The following CELSR1 variants were observed in gnomAD, a reference collection of about 807,000 sequenced individuals.
CELSR1 encodes the protein adhesion G protein-coupled receptor C1.
Under a neutral mutation model 249.1 loss-of-function variants are expected in CELSR1, and 110 were observed. That is an observed-to-expected ratio of 0.44 (90% CI 0.38 to 0.52). The LOEUF (loss-of-function observed/expected upper bound fraction) is 0.52. Among genes scored for constraint, CELSR1 ranks in the 20% least tolerant of loss-of-function variants. The pLI is 0.00. For missense variants in CELSR1, 4,109 were observed against 4,296.4 expected, an observed-to-expected ratio of 0.96 and a Z score of 1.22; for synonymous variants, 2,113 against 1,900.0, an observed-to-expected ratio of 1.11 and a Z score of -2.92.
intron 4 of CELSR1, among the ~76,000 whole-genome samples, 185 bp downstream of exon 4, chr22:46,435,989 A>G (rs945458792): frequency 6.6e-6 from 1 of 152,096 alleles, no homozygotes; most frequent in African/African-American, 2.4e-5. Flanking sequence ...GTGAGCCACC[A>G]CGCCCGGCCT....
rs971818540 is a variant in CELSR1 at position 46,506,594 on chromosome 22, C to T, written c.3544+27033G>A. 6.6e-5 allele frequency among the ~76,000 whole-genome samples: 10 copies of T among 152,236 alleles called. No homozygotes were observed. The highest frequency in any genetic ancestry group is 2.4e-4 in the African/African-American group (10 of 41,456). The stretch of plus-strand genomic sequence containing the variant: ...ACCTCCTGGAATTCTCACCCATTTC[C>T]AAGACCACTTCCTTAGGGTGATGTT... On this transcript the variant is annotated intron_variant, in intron 1 of 34. Transcript: ENST00000674500. This position sits in a 1 kb window ranked among gnomAD's most constrained non-coding sequence, Gnocchi z 4.1.
chr22:46,437,336 TC>T lies in CELSR1; in HGVS notation c.4407-1048del, dbSNP rs1423944584. On this transcript the variant is annotated intron_variant, in intron 3 of 34. Coordinates refer to ENST00000674500, the MANE Select transcript of CELSR1 (RefSeq NM_001378328.1). This position sits in a 1 kb window ranked among gnomAD's most constrained non-coding sequence, Gnocchi z 4.9. ...GACTGGCTCCTGAGCTGGCTGGGTG[TC>T]TCCACCATCAGAGATACACGGCAGG... 6.6e-6 allele frequency among the ~76,000 whole-genome samples: 1 copy of T among 152,162 alleles called. No individual in the cohort carries two copies. Among genetic ancestry groups the T allele is most frequent in the Non-Finnish European group, 1.5e-5 (1 of 68,032 alleles).
At chr22:46,457,642 A>T (rs2079972115) in intron 2 of CELSR1, among the ~76,000 whole-genome samples, 1 of 152,246 alleles carries the variant, frequency 6.6e-6, no homozygotes, top group African/African-American at 2.4e-5. Context: ...CACAGCGCGG[A>T]CAGAGATGAG....
chr22:46,373,401 A>AC (rs1176557204), intron 24 of CELSR1, among the ~76,000 whole-genome samples: 1 of 132,696 alleles, frequency 7.5e-6, no homozygotes, highest in Non-Finnish European at 1.6e-5. Flanking sequence ...GCAGCTTCAC[A>AC]CCCAGTGCTC....
In CELSR1 at chr22:46,468,553, G is replaced by C. The variant is rs1286673129; in HGVS notation, c.3545-4208C>G. ...GCACTTACAGGAGGTCCCTAGAGGA[G>C]TTCGATTCATAGAGGCAGAAAGTAG... On this transcript the variant is annotated intron_variant, in intron 1 of 34. Coordinates refer to ENST00000674500, the MANE Select transcript of CELSR1 (RefSeq NM_001378328.1). This position sits in a 1 kb window ranked among gnomAD's most constrained non-coding sequence, Gnocchi z 4.5. Among the ~76,000 whole-genome samples the C allele has an allele frequency of 1.3e-5, 2 of 152,152 alleles. No individual in the cohort carries two copies. The highest frequency in any genetic ancestry group is 4.8e-5 in the African/African-American group (2 of 41,424).
rs1405397435 is a variant in CELSR1, at chr22:46,374,331, T to C, written c.7585-1274A>G. Among the ~76,000 whole-genome samples, 5 of 152,232 alleles carry C rather than the reference T, an allele frequency of 3.3e-5. No homozygotes were observed. The highest frequency in any genetic ancestry group is 7.3e-5 in the Non-Finnish European group (5 of 68,048). ...CCTTTTGAAAACAAAGTGCGAGGGC[T>C]GTGCCATCCTGGCTGCAGCAGGGTC... On this transcript the variant is annotated intron_variant, in intron 24 of 34. Coordinates refer to ENST00000674500, the MANE Select transcript of CELSR1 (RefSeq NM_001378328.1). This position sits in a 1 kb window ranked among gnomAD's most constrained non-coding sequence, Gnocchi z 4.3.
At position 46,361,203 on chromosome 22, in the gene CELSR1, G is replaced by C. The variant is rs1457801380; in HGVS notation, c.*2020C>G. 1 of 152,556 alleles carries C rather than the reference G, an allele frequency of 6.6e-6. No homozygotes were observed. The highest frequency in any genetic ancestry group is 2.4e-5 in the African/African-American group (1 of 41,444). The allele number at this position is 152,556 out of a possible 1,614,324, so 9.5% of individuals were successfully genotyped here. A position where few individuals can be genotyped will look rare whatever the true frequency, so the allele number is the denominator to read the frequency against. ...AATTCAAAAATCTTAATTTATTGTA[G>C]ACTCTTCTCATTTGTAATTCCAGTG... On this transcript the variant is annotated 3_prime_UTR_variant, in exon 35 of 35. Coordinates refer to ENST00000674500, the MANE Select transcript of CELSR1 (RefSeq NM_001378328.1).
chr22:46,534,384 G>A lies in CELSR1; in HGVS notation c.2787C>T (p.Tyr929=), dbSNP rs543787197. The A allele has an allele frequency of 5.3e-5, 86 of 1,612,868 alleles. 1 individual carries two copies. The South Asian group carries it at 8.7e-4, about 16-fold the overall frequency. Residue 929 remains tyrosine (Y), a synonymous_variant, in exon 1 of 35, where the codon TAC becomes TAT. Transcript: ENST00000674500. The surrounding 1 kb of genome is among the most constrained non-coding windows in gnomAD (Gnocchi z 9.7). Reference sequence around the variant, plus strand: ...CGCCGTCGTCCCCACCCTGGAAGGTGTACAGCAGACGCCCATTGGGACCTG... The same window carrying A: ...CGCCGTCGTCCCCACCCTGGAAGGTATACAGCAGACGCCCATTGGGACCTG... ...RDSGPNGRLL[Y]TFQGGDDGDG...
At chr22:46,497,082 A>C (rs1473949047) in intron 1 of CELSR1, among the ~76,000 whole-genome samples, 1 of 152,154 alleles carries the variant, frequency 6.6e-6, no homozygotes, top group Non-Finnish European at 1.5e-5. Context: ...GCACTATGAC[A>C]CTATCATGGC....
At position 46,391,703 on chromosome 22, in the gene CELSR1, G is replaced by C. The variant is rs61737809; in HGVS notation, c.6078C>G (p.Pro2026=). ...GGTTGCACTGGCGGCCGATGACGCC[G>C]GGCTTGCAGGCACACTGCCCGGTGG... is the stretch of plus-strand genomic sequence containing the variant. ...DMATGQCACK[P]GVIGRQCNRC... Residue 2026 remains proline (P), a synonymous_variant, in exon 15 of 35, where the codon CCC becomes CCG. Transcript: ENST00000674500. The surrounding 1 kb of genome is among the most constrained non-coding windows in gnomAD (Gnocchi z 4.3). 4 of 1,610,872 alleles carry C rather than the reference G, an allele frequency of 2.5e-6. No homozygotes were observed. Among genetic ancestry groups the C allele is most frequent in the Non-Finnish European group, 3.4e-6 (4 of 1,179,646 alleles).
rs1256666929 is a variant in CELSR1 at position 46,363,801 on chromosome 22, T to A, written c.9035+195A>T. On this transcript the variant is annotated intron_variant, in intron 34 of 34. Transcript: ENST00000674500. The surrounding 1 kb of genome is among the most constrained non-coding windows in gnomAD (Gnocchi z 4.3). ...TGAGACGTGTCCCCAGGATAGGGGG[T>A]CTGCCCATCTCCGGGGTATCCTCCT... The A allele has an allele frequency of 5.8e-6, 4 of 694,624 alleles. No individual in the cohort carries two copies. The highest frequency in any genetic ancestry group is 9.1e-6 in the Non-Finnish European group (4 of 437,530). 43.0% of individuals were successfully genotyped at this position (694,624 alleles called of 1,614,324 possible).
chr22:46,411,616 C>T lies in CELSR1; in HGVS notation c.4755G>A (p.Gln1585=). 6.2e-7 allele frequency: 1 copy of T among 1,614,154 alleles called. No homozygotes were observed. Among genetic ancestry groups the T allele is most frequent in the Admixed American group, 1.7e-5 (1 of 60,030 alleles). The change falls in exon 6 of 35, where the codon CAG becomes CAA. Residue 1585 remains glutamine (Q), a synonymous_variant. Coordinates refer to ENST00000674500, the MANE Select transcript of CELSR1 (RefSeq NM_001378328.1). This position sits in a 1 kb window ranked among gnomAD's most constrained non-coding sequence, Gnocchi z 4.2. ...GGGATGCTCACTTCTTGGAGCCGGT[C>T]TGAGTGCCCTGGGCAGCGCAGCTGT... ...GNYSCAAQGT[Q]TGSKKSLDLT...
rs1602233496 is a variant in CELSR1 at position 46,517,345 on chromosome 22, A to G, written c.3544+16282T>C. On this transcript the variant is annotated intron_variant, in intron 1 of 34. Coordinates refer to ENST00000674500, the MANE Select transcript of CELSR1 (RefSeq NM_001378328.1). This position sits in a 1 kb window ranked among gnomAD's most constrained non-coding sequence, Gnocchi z 5.4. Reference sequence around the variant, plus strand: ...ATGGGTTTCCCGGGCCAAACCGGAGACTTGGACGGCCGTCCAACACCAAAG... The same window carrying G: ...ATGGGTTTCCCGGGCCAAACCGGAGGCTTGGACGGCCGTCCAACACCAAAG... 6.6e-6 allele frequency among the ~76,000 whole-genome samples: 1 copy of G among 152,186 alleles called. No homozygotes were observed. Among genetic ancestry groups the G allele is most frequent in the Non-Finnish European group, 1.5e-5 (1 of 68,046 alleles).
In CELSR1 at chr22:46,374,312, G is replaced by C. The variant is rs1012851458; in HGVS notation, c.7585-1255C>G. ...AAGTAAACCCACGAAACCACCTTTT[G>C]AAAACAAAGTGCGAGGGCTGTGCCA... On this transcript the variant is annotated intron_variant, in intron 24 of 34. Transcript: ENST00000674500. This position sits in a 1 kb window ranked among gnomAD's most constrained non-coding sequence, Gnocchi z 4.3. 6.6e-6 allele frequency among the ~76,000 whole-genome samples: 1 copy of C among 152,222 alleles called. No homozygotes were observed. Among genetic ancestry groups the C allele is most frequent in the African/African-American group, 2.4e-5 (1 of 41,452 alleles).
chr22:46,505,725 C>T (rs538805223), intron 1 of CELSR1, among the ~76,000 whole-genome samples: 1 of 151,994 alleles, frequency 6.6e-6, no homozygotes, highest in South Asian at 2.1e-4. Context: ...ATGTTTATAC[C>T]CAAAGAAAAA....
chr22:46,522,904 G>C (rs1276337697), intron 1 of CELSR1, among the ~76,000 whole-genome samples: 1 of 152,214 alleles, frequency 6.6e-6, no homozygotes, highest in Admixed American at 6.5e-5. Flanking sequence ...CTCCAATGCT[G>C]GGAGAACACC....
chr22:46,361,176 C>A lies in CELSR1; in HGVS notation c.*2047G>T, dbSNP rs534971184. The A allele has an allele frequency of 6.6e-6, 1 of 152,480 alleles. No homozygotes were observed. Among genetic ancestry groups the A allele is most frequent in the South Asian group, 2.1e-4 (1 of 4,822 alleles). The allele number at this position is 152,480 out of a possible 1,614,324, so 9.4% of individuals were successfully genotyped here. A position where few individuals can be genotyped will look rare whatever the true frequency, so the allele number is the denominator to read the frequency against. On this transcript the variant is annotated 3_prime_UTR_variant, in exon 35 of 35. Transcript: ENST00000674500. The stretch of plus-strand genomic sequence containing the variant: ...GAGAAAAACCAGCACCGCAGAAGTA[C>A]AAATTCAAAAATCTTAATTTATTGT...
intron 5 of CELSR1, among the ~76,000 whole-genome samples, chr22:46,431,821 A>G (rs2079599205): frequency 6.6e-6 from 1 of 152,180 alleles, no homozygotes; most frequent in Non-Finnish European, 1.5e-5. Context: ...CGCGTCTGTG[A>G]GGGCTACCCT....
chr22:46,430,867 C>T lies in CELSR1; in HGVS notation c.4611+2526G>A, dbSNP rs932826627. On this transcript the variant is annotated intron_variant, in intron 5 of 34. Transcript: ENST00000674500. The surrounding 1 kb of genome is among the most constrained non-coding windows in gnomAD (Gnocchi z 4.6). Reference sequence around the variant, plus strand: ...GAGCTGCCACTCGGAGACTAAGTCACGGAGCAGCAGTACTGTCTCCTTCTC... The same window carrying T: ...GAGCTGCCACTCGGAGACTAAGTCATGGAGCAGCAGTACTGTCTCCTTCTC... Among the ~76,000 whole-genome samples the T allele has an allele frequency of 4.6e-5, 7 of 152,166 alleles. No homozygotes were observed. The highest frequency in any genetic ancestry group is 1.9e-4 in the East Asian group (1 of 5,196).
Sources: gnomAD v4.1 joint callset for allele counts (sites outside exome capture counted in the v4.1 genomes callset) on GRCh38, gnomAD v4.1.1 for gene constraint, Gnocchi (gnomAD v3.1) non-coding constraint, MANE v1.5 for transcripts, NCBI Gene and HGNC (gene_info 2026-07-23, HGNC 2026-07-21) for gene names.